The following PCDHA3 variants were observed in gnomAD, a reference collection of about 807,000 sequenced individuals.
PCDHA3 encodes the protein protocadherin alpha-3.
A neutral mutation model predicts 62.2 loss-of-function variants in PCDHA3; 41 were observed. That is an observed-to-expected ratio of 0.66 (90% CI 0.51 to 0.86). PCDHA3 has a LOEUF of 0.86. Among genes scored for constraint, PCDHA3 ranks in the 40% least tolerant of loss-of-function variants. The pLI is 0.00. For synonymous variants in PCDHA3, 640 were observed against 555.4 expected, an observed-to-expected ratio of 1.15 and a Z score of -2.14; for missense variants, 1,304 against 1,241.2, an observed-to-expected ratio of 1.05 and a Z score of -0.76.
rs1775369945 is a variant in PCDHA3 at position 140,838,007 on chromosome 5, A to G, written c.2394+34416A>G. Among the ~76,000 whole-genome samples, 3 of 151,520 alleles carry G rather than the reference A, an allele frequency of 2.0e-5. No homozygotes were observed. In the South Asian group the frequency reaches 6.3e-4, roughly 32 times the overall value. ...CTTTCATCTTTCCTTTTTTTTAAAA[A>G]AAGAAGTGATTACAGTAGAAACCTA... On this transcript the variant is annotated intron_variant, in intron 1 of 3. Coordinates refer to ENST00000522353, the MANE Select transcript of PCDHA3 (RefSeq NM_018906.3).
chr5:140,986,220 T>C (rs2097190951), intron 3 of PCDHA3, among the ~76,000 whole-genome samples: 1 of 152,194 alleles, frequency 6.6e-6, no homozygotes, highest in African/African-American at 2.4e-5. Flanking sequence ...CCCCTTTCTC[T>C]AGCCTCCCCT....
At chr5:140,948,313 G>T (rs1554218515) in intron 1 of PCDHA3, among the ~76,000 whole-genome samples, 2 of 151,362 alleles carry the variant, frequency 1.3e-5, no homozygotes, top group Non-Finnish European at 3.0e-5. Flanking sequence ...TCTTCTTGAG[G>T]GGTAATGTTT....
intron 1 of PCDHA3, chr5:140,808,963 A>C: frequency 6.2e-7 from 1 of 1,613,576 alleles, no homozygotes; most frequent in Non-Finnish European, 8.5e-7. Flanking sequence ...ACGTGGTGGC[A>C]AAGGTGCGCG....
At chr5:140,854,247 T>C (rs782783926) in intron 1 of PCDHA3, 12 of 635,110 alleles carry the variant, frequency 1.9e-5, no homozygotes, top group Non-Finnish European at 2.4e-5. Context: ...TGTTATCACT[T>C]GGTATAAAAT....
At chr5:140,851,245 A>G (rs2042003165) in intron 1 of PCDHA3, 2 of 1,104,800 alleles carry the variant, frequency 1.8e-6, no homozygotes, top group Non-Finnish European at 2.3e-6. Flanking sequence ...TTGCTAAATG[A>G]TGCATAGTAT....
At position 140,802,854 on chromosome 5, in the gene PCDHA3, G is replaced by C; in HGVS notation, c.1657G>C (p.Val553Leu). ...TCTGGGCAGCAACGTGACGCTGCAG[G>C]TGTTCGTGCTGGACGAGAACGACAA... ...PPLGSNVTLQ[V>L]FVLDENDNAP... Residue 553 changes from valine (V) to leucine (L), a missense_variant, in exon 1 of 4, where the codon GTG (valine) becomes CTG (leucine). Val to Leu is a conservative substitution (Grantham distance 32). Transcript: ENST00000522353. The C allele has an allele frequency of 6.2e-7, 1 of 1,613,770 alleles. No individual in the cohort carries two copies. Among genetic ancestry groups the C allele is most frequent in the Non-Finnish European group, 8.5e-7 (1 of 1,179,920 alleles).
In PCDHA3 at chr5:140,848,948, G is replaced by C. The variant is rs2150426215; in HGVS notation, c.2394+45357G>C. ...CGGAATCCAGGCCGCTTGACTCTCG[G>C]TTTCCACTAGAGGGCGCGTCCGATG... On this transcript the variant is annotated intron_variant, in intron 1 of 3. Coordinates refer to ENST00000522353, the MANE Select transcript of PCDHA3 (RefSeq NM_018906.3). 8.1e-6 allele frequency: 13 copies of C among 1,607,010 alleles called. No homozygotes were observed. The African/African-American group carries it at 1.8e-4, about 22-fold the overall frequency.
At position 140,802,744 on chromosome 5, in the gene PCDHA3, A is replaced by G. The variant is rs782614211; in HGVS notation, c.1547A>G (p.Lys516Arg). 6.2e-7 allele frequency: 1 copy of G among 1,612,560 alleles called. No individual in the cohort carries two copies. ...SYVSVHAESG[K>R]VYALQPLDHE... ...GTGTCGGTACACGCGGAGAGCGGCAAGGTGTACGCGCTGCAGCCGCTGGAC... is the reference window on the plus strand; with the variant it reads ...GTGTCGGTACACGCGGAGAGCGGCAGGGTGTACGCGCTGCAGCCGCTGGAC... Residue 516 changes from lysine (K) to arginine (R), a missense_variant, in exon 1 of 4, where the codon AAG becomes AGG. By Grantham distance (26) the Lys-to-Arg change is conservative. Transcript: ENST00000522353.
At chr5:140,906,926 T>C (rs1217312413) in intron 1 of PCDHA3, among the ~76,000 whole-genome samples, 1 of 152,194 alleles carries the variant, frequency 6.6e-6, no homozygotes, top group Non-Finnish European at 1.5e-5. Flanking sequence ...CCAAAAAGTG[T>C]CCCGGTGTCA....
Position 140,838,737 on chromosome 5 carries a change from A to G in PCDHA3, c.2394+35146A>G, listed in dbSNP as rs2150292002. The stretch of plus-strand genomic sequence containing the variant: ...GATTGCTTCAGTCTAGTAGTTTGAG[A>G]CCAGCTTGTGCATCTTTTGTAGAGA... On this transcript the variant is annotated intron_variant, in intron 1 of 3. Coordinates refer to ENST00000522353, the MANE Select transcript of PCDHA3 (RefSeq NM_018906.3). Among the ~76,000 whole-genome samples, 22 of 152,120 alleles carry G rather than the reference A, an allele frequency of 1.4e-4. 1 individual carries two copies. Among genetic ancestry groups the G allele is most frequent in the African/African-American group, 5.3e-4 (22 of 41,484 alleles).
At chr5:140,837,111 G>A (rs1774917458) in intron 1 of PCDHA3, 1 of 158,706 alleles carries the variant, frequency 6.3e-6, no homozygotes, top group Non-Finnish European at 1.4e-5. Flanking sequence ...TAATATATAT[G>A]TTACCTAATA....
intron 1 of PCDHA3, among the ~76,000 whole-genome samples, chr5:140,970,397 T>C (rs2096402198): frequency 6.6e-6 from 1 of 152,218 alleles, no homozygotes; most frequent in Non-Finnish European, 1.5e-5. Flanking sequence ...GGAAAGTGGA[T>C]GGCTTACCCT....
At chr5:140,809,809 T>G (rs1346866835) in intron 1 of PCDHA3, 5 of 428,380 alleles carry the variant, frequency 1.2e-5, no homozygotes, top group Non-Finnish European at 2.0e-5. Flanking sequence ...CTAGTAAATT[T>G]TCACTATATT....
At chr5:140,870,482 C>T in intron 1 of PCDHA3, 1 of 1,614,244 alleles carries the variant, frequency 6.2e-7, no homozygotes, top group South Asian at 1.1e-5. Flanking sequence ...CCCGAGTACA[C>T]CGTGTTCGTG....
intron 1 of PCDHA3, chr5:140,842,764 C>A (rs1554139348): frequency 3.1e-6 from 5 of 1,594,666 alleles, no homozygotes; most frequent in Non-Finnish European, 4.3e-6. Flanking sequence ...CTGCGCGAGA[C>A]GCGGACGCGC....
chr5:140,843,177 G>C lies in PCDHA3; in HGVS notation c.2394+39586G>C. ...CTGCAGCCAGCTGCAAGCAGCCCTC[G>C]CATCCCGTTCCGCGTGGGGCTGTAC... On this transcript the variant is annotated intron_variant, in intron 1 of 3. Transcript: ENST00000522353. 3.1e-6 allele frequency: 5 copies of C among 1,596,056 alleles called. 2 individuals are homozygous for C. Among genetic ancestry groups the C allele is most frequent in the Non-Finnish European group, 4.3e-6 (5 of 1,165,590 alleles).
rs1762785227 is a variant in PCDHA3 at position 140,801,789 on chromosome 5, A to G, written c.592A>G (p.Lys198Glu). 7 of 1,614,036 alleles carry G rather than the reference A, an allele frequency of 4.3e-6. No homozygotes were observed. Among genetic ancestry groups the G allele is most frequent in the Non-Finnish European group, 5.9e-6 (7 of 1,180,016 alleles). The change falls in exon 1 of 4, where the codon AAA (lysine) becomes GAA (glutamate). Residue 198 changes from lysine (K) to glutamate (E), a missense_variant. By Grantham distance (56) the Lys-to-Glu change is moderately conservative. Transcript: ENST00000522353. ...TAAATCCCTTGGACTCGTGTTGAAA[A>G]AAAATTTAAATCGAGAGGACACTCC... ...EIKSLGLVLK[K>E]NLNREDTPKH...
chr5:140,904,797 C>T (rs2071388214), intron 1 of PCDHA3, among the ~76,000 whole-genome samples: 1 of 152,022 alleles, frequency 6.6e-6, no homozygotes, highest in East Asian at 1.9e-4. Context: ...TTTGCATTTT[C>T]CTGATAATTA....
intron 1 of PCDHA3, chr5:140,883,650 C>A: frequency 6.2e-7 from 1 of 1,613,572 alleles, no homozygotes; most frequent in East Asian, 2.2e-5. Flanking sequence ...CCCGAGTACA[C>A]GGTGTTCGTG....
Sources: allele counts gnomAD v4.1 joint callset (sites outside exome capture counted in the v4.1 genomes callset), GRCh38; gene constraint gnomAD v4.1.1; transcripts MANE v1.5; gene names NCBI Gene and HGNC (gene_info 2026-07-23, HGNC 2026-07-21).